The following ADGRG4 variants were observed in gnomAD, a reference collection of about 807,000 sequenced individuals.
ADGRG4 encodes the protein adhesion G protein-coupled receptor G4.
A neutral mutation model predicts 126.2 loss-of-function variants in ADGRG4; 122 were observed. The ratio of observed to expected loss-of-function variants is 0.97; its 90% CI spans 0.83 to 1.12. The LOEUF is 1.12. Ranked by LOEUF, ADGRG4 falls within the 50% of genes most tolerant of loss-of-function variation. The pLI is 0.00. For missense variants in ADGRG4, 2,481 were observed against 2,251.8 expected, an observed-to-expected ratio of 1.10 and a Z score of -2.06; for synonymous variants, 943 against 838.7, an observed-to-expected ratio of 1.12 and a Z score of -2.15.
At chrX:136,366,245 T>C (rs2075157963) in intron 13 of ADGRG4, among the ~76,000 whole-genome samples, 1 of 112,274 alleles carries the variant, frequency 8.9e-6, no homozygotes, top group Non-Finnish European at 1.9e-5. Context: ...TATCTCTGTG[T>C]TTTTGCTCTT....
At chrX:136,407,135 TAG>T (rs2075417330) in intron 23 of ADGRG4, among the ~76,000 whole-genome samples, 1 of 111,048 alleles carries the variant, frequency 9.0e-6, no homozygotes, top group Non-Finnish European at 1.9e-5. Context: ...TTCATTGAGT[TAG>T]AGTCTCCCTT....
At chrX:136,336,055 A>T (rs997509709) in intron 5 of ADGRG4, among the ~76,000 whole-genome samples, 8 of 111,944 alleles carry the variant, frequency 7.1e-5, no homozygotes, top group Non-Finnish European at 1.9e-5. Context: ...TTTTAAAATT[A>T]AATTTAATTT....
At chrX:136,410,785 C>T (rs768637102) in intron 23 of ADGRG4, among the ~76,000 whole-genome samples, 1 of 111,438 alleles carries the variant, frequency 9.0e-6, no homozygotes, top group African/African-American at 3.3e-5. Flanking sequence ...AAACATATCT[C>T]GGCCCTCAAA....
At chrX:136,361,125 A>T (rs2075125769) in intron 11 of ADGRG4, among the ~76,000 whole-genome samples, 1 of 110,520 alleles carries the variant, frequency 9.0e-6, no homozygotes, top group African/African-American at 3.3e-5. Context: ...CCTCTATAAC[A>T]TAGCAAGACG....
At chrX:136,361,654 T>A (rs1017644345) in intron 12 of ADGRG4, 67 bp downstream of exon 12, 2 of 852,649 alleles carry the variant, frequency 2.3e-6, no homozygotes, top group African/African-American at 4.1e-5. Flanking sequence ...GGGGACATGT[T>A]TCTATGTCAT....
rs899310874 is a variant in ADGRG4, at chrX:136,397,990, A to C, written c.8294A>C (p.Tyr2765Ser). ...TTTCTGGGAGTTGCAGTGGTGACATACATAGCTTTTCAGTAAGTTGATACA... is the reference window on the plus strand; with the variant it reads ...TTTCTGGGAGTTGCAGTGGTGACATCCATAGCTTTTCAGTAAGTTGATACA... Reference protein sequence around the residue: ...SIFLGVAVVTYIAFHKLRKDY... With the variant: ...SIFLGVAVVTSIAFHKLRKDY... The change falls in exon 20 of 26, where the codon TAC (tyrosine) becomes TCC (serine). Residue 2765 changes from tyrosine (Y) to serine (S), a missense_variant. Tyr to Ser is a moderately radical substitution (Grantham distance 144, BLOSUM62 -2). Coordinates refer to ENST00000394143, the MANE Select transcript of ADGRG4 (RefSeq NM_153834.4). The C allele has an allele frequency of 7.5e-6, 9 of 1,206,963 alleles. No homozygotes were observed. The highest frequency in any genetic ancestry group is 4.4e-5 in the Admixed American group (2 of 45,792).
At chrX:136,351,099 T>C (rs779151728) in intron 6 of ADGRG4, among the ~76,000 whole-genome samples, 1 of 112,017 alleles carries the variant, frequency 8.9e-6, no homozygotes, top group East Asian at 2.8e-4. Context: ...AGTTACTTTC[T>C]CAGAGAAAAT....
chrX:136,348,279 T>A lies in ADGRG4; in HGVS notation c.4573T>A (p.Ser1525Thr). 1 of 1,209,491 alleles carries A rather than the reference T, an allele frequency of 8.3e-7. No homozygotes were observed. The change falls in exon 6 of 26, where the codon TCC (serine) becomes ACC (threonine). Residue 1525 changes from serine to threonine, a missense_variant. Ser to Thr is a moderately conservative substitution (Grantham distance 58, BLOSUM62 1). Coordinates refer to ENST00000394143, the MANE Select transcript of ADGRG4 (RefSeq NM_153834.4). ...GCCAGTTAATGTAACTGCCTTCACC[T>A]CCAAAAAAGTTTCTGACACTCCCCC... ...SLPVNVTAFT[S>T]KKVSDTPPIV...
At chrX:136,307,744 A>G (rs750606792) in intron 3 of ADGRG4, among the ~76,000 whole-genome samples, 3 of 112,812 alleles carry the variant, frequency 2.7e-5, no homozygotes, top group Non-Finnish European at 5.6e-5. Flanking sequence ...ATTCAGAAGT[A>G]TATTTCATTT....
chrX:136,336,478 T>G (rs1163788250), intron 5 of ADGRG4, among the ~76,000 whole-genome samples: 12 of 111,686 alleles, frequency 1.1e-4, no homozygotes. Flanking sequence ...TTTACTATTT[T>G]TCCTTTCAGC....
chrX:136,390,039 ATTTGTTTG>A (rs757060684), intron 16 of ADGRG4, among the ~76,000 whole-genome samples: 1 of 111,398 alleles, frequency 9.0e-6, no homozygotes, highest in East Asian at 2.8e-4. Context: ...AACCTTAGAA[ATTTGTTTG>A]TTTGTTTGTT....
At chrX:136,394,963 T>C (rs757315247) in intron 18 of ADGRG4, among the ~76,000 whole-genome samples, 2 of 111,849 alleles carry the variant, frequency 1.8e-5, no homozygotes, top group East Asian at 5.6e-4. Flanking sequence ...TTGAAAGCAC[T>C]TGAGACCCTT....
chrX:136,357,750 C>T lies in ADGRG4; in HGVS notation c.6974C>T (p.Pro2325Leu), dbSNP rs2075103147. ...GAAATGGCTACAATTTCCTATGTAC[C>T]ATACAGGTAGGAAGTAGGAACTGAG... ...GQEMATISYVPYSCVCQVIIK... is the reference protein window; with the variant it reads ...GQEMATISYVLYSCVCQVIIK... Residue 2325 changes from proline (P) to leucine (L), a missense_variant, in exon 10 of 26, where the codon CCA becomes CTA. By Grantham distance (98) the Pro-to-Leu change is moderately conservative. Coordinates refer to ENST00000394143, the MANE Select transcript of ADGRG4 (RefSeq NM_153834.4). 4.3e-6 allele frequency: 5 copies of T among 1,159,875 alleles called. No individual in the cohort carries two copies. The highest frequency in any genetic ancestry group is 1.8e-5 in the African/African-American group (1 of 56,742).
At chrX:136,355,930 G>A (rs1392645182) in intron 8 of ADGRG4, among the ~76,000 whole-genome samples, 196 bp from the exon 9 acceptor site, 1 of 111,583 alleles carries the variant, frequency 9.0e-6, no homozygotes, top group Non-Finnish European at 1.9e-5. Context: ...ATAAATCAAA[G>A]GCTTGCCACC....
chrX:136,346,514 CT>C lies in ADGRG4; in HGVS notation c.2809del (p.Tyr937MetfsTer2). On this transcript the variant is annotated frameshift_variant, in exon 6 of 26. Coordinates refer to ENST00000394143, the MANE Select transcript of ADGRG4 (RefSeq NM_153834.4). LOFTEE classifies it high-confidence loss of function. ...MTEMFNFNHT[Y>X]VAHWTSETSE... ...CAGAAATGTTTAATTTTAACCACAC[CT>C]ATGTAGCACATTGGACTTCAGAGAC... 8.3e-7 allele frequency: 1 copy of C among 1,208,048 alleles called. No homozygotes were observed. The highest frequency in any genetic ancestry group is 3.0e-5 in the East Asian group (1 of 33,805).
At chrX:136,404,238 T>A (rs1404030889) in intron 22 of ADGRG4, among the ~76,000 whole-genome samples, 1 of 110,786 alleles carries the variant, frequency 9.0e-6, no homozygotes, top group Non-Finnish European at 1.9e-5. Context: ...CTTCCCTTCC[T>A]TCTCATCTCC....
chrX:136,382,113 A>G (rs2075266996), intron 15 of ADGRG4, among the ~76,000 whole-genome samples: 1 of 111,375 alleles, frequency 9.0e-6, no homozygotes. Context: ...TCACAAGTCC[A>G]TCCCTTTTCA....
chrX:136,383,881 CTTCCT>C lies in ADGRG4; in HGVS notation c.7777-3835_7777-3831del, dbSNP rs199828604. ...TTCTTTCTTTCTTTCTTTCTTCTTT[CTTCCT>C]TTCCTTTCCTTTCCTTTCCTTTCTT... On this transcript the variant is annotated intron_variant, in intron 15 of 25. Transcript: ENST00000394143. Among the ~76,000 whole-genome samples the C allele has an allele frequency of 5.2e-3, 273 of 52,433 alleles. 2 individuals carry two copies. Among genetic ancestry groups the C allele is most frequent in the East Asian group, 0.028 (62 of 2,190 alleles). The allele number at this position is 52,433 out of a possible 115,157, so 45.5% of individuals were successfully genotyped here. A position where few individuals can be genotyped will look rare whatever the true frequency, so the allele number is the denominator to read the frequency against.
In ADGRG4 at chrX:136,372,937, T is replaced by C; in HGVS notation, c.7649T>C (p.Met2550Thr). 8.3e-7 allele frequency: 1 copy of C among 1,211,349 alleles called. No homozygotes were observed. Among genetic ancestry groups the C allele is most frequent in the Non-Finnish European group, 1.1e-6 (1 of 895,146 alleles). The change falls in exon 15 of 26, where the codon ATG (methionine) becomes ACG (threonine). Residue 2550 changes from methionine to threonine, a missense_variant. By Grantham distance (81) the Met-to-Thr change is moderately conservative. Transcript: ENST00000394143. The stretch of plus-strand genomic sequence containing the variant: ...ATAATTGAGCGTACTGGTCACAAGA[T>C]GGAGTTTTCTGGGCAGATAGCAAAT... ...LRIIERTGHK[M>T]EFSGQIANLT...
Sources: allele counts gnomAD v4.1 joint callset (sites outside exome capture counted in the v4.1 genomes callset), GRCh38; gene constraint gnomAD v4.1.1; transcripts MANE v1.5; gene names NCBI Gene and HGNC (gene_info 2026-07-23, HGNC 2026-07-21).